The following PDE4D variants were observed in gnomAD, a reference collection of about 807,000 sequenced individuals.
PDE4D encodes phosphodiesterase 4D, also known as 3',5'-cyclic-AMP phosphodiesterase 4D.
A neutral mutation model predicts 87.4 loss-of-function variants in PDE4D; 24 were observed. The observed-to-expected ratio is 0.27, with a 90% CI of 0.20 to 0.39. PDE4D has a LOEUF of 0.39. Ranked by LOEUF, PDE4D falls within the 10% of genes least tolerant of loss-of-function variation. PDE4D has a pLI of 1.00. For synonymous variants in PDE4D, 384 were observed against 383.2 expected (o/e 1.00, Z -0.02); for missense variants, 714 against 1,041.0 (o/e 0.69, Z 4.32).
chr5:59,387,011 C>G (rs1448530026), intron 1 of PDE4D, among the ~76,000 whole-genome samples: 2 of 152,100 alleles, frequency 1.3e-5, no homozygotes, highest in African/African-American at 4.8e-5. Flanking sequence ...GTAAAAAAAT[C>G]TCATTTCCCA....
intron 1 of PDE4D, among the ~76,000 whole-genome samples, chr5:59,514,169 G>A (rs912911884): frequency 6.6e-6 from 1 of 150,590 alleles, no homozygotes; most frequent in Non-Finnish European, 1.5e-5. Flanking sequence ...GCAGTGGTGC[G>A]ATCTCGGCTC....
At chr5:60,146,290 G>A (rs896389816) in intron 2 of PDE4D, among the ~76,000 whole-genome samples, 20 of 152,310 alleles carry the variant, frequency 1.3e-4, no homozygotes, top group Admixed American at 2.0e-4. Context: ...CCTGGTAGTA[G>A]ATGTTCTATA....
intron 1 of PDE4D, among the ~76,000 whole-genome samples, chr5:59,293,277 C>T (rs748219211): frequency 5.9e-5 from 9 of 151,986 alleles, no homozygotes; most frequent in Non-Finnish European, 1.3e-4. Flanking sequence ...CTTTTAAATA[C>T]CTGGTGAGTG....
chr5:59,386,884 T>C (rs111746760), intron 1 of PDE4D, among the ~76,000 whole-genome samples: 2,337 of 152,256 alleles, frequency 0.015, 78 homozygotes, highest in African/African-American at 0.054. Flanking sequence ...AAAACCAGCA[T>C]GACTGTACCA....
intron 1 of PDE4D, among the ~76,000 whole-genome samples, chr5:60,371,549 T>C (rs1418258932): frequency 1.3e-5 from 2 of 152,200 alleles, no homozygotes; most frequent in Non-Finnish European, 2.9e-5. Context: ...TGAAATATAA[T>C]ATATGCACAG....
At chr5:59,583,844 T>C (rs1259845007) in intron 1 of PDE4D, among the ~76,000 whole-genome samples, 1 of 152,350 alleles carries the variant, frequency 6.6e-6, no homozygotes, top group East Asian at 1.9e-4. Flanking sequence ...TCATTCTTGC[T>C]TCTCAAAAAG....
chr5:59,149,620 G>A (rs978288956), intron 5 of PDE4D, among the ~76,000 whole-genome samples: 1 of 150,414 alleles, frequency 6.6e-6, no homozygotes, highest in African/African-American at 2.4e-5. Flanking sequence ...TAAGATTTTA[G>A]TGTTGGTTCC....
chr5:60,081,891 G>A (rs764843651), intron 2 of PDE4D, among the ~76,000 whole-genome samples: 1 of 152,096 alleles, frequency 6.6e-6, no homozygotes, highest in Admixed American at 6.6e-5. Context: ...AGTCTTCTCA[G>A]GTTCTTTTTT....
At chr5:59,529,942 C>T (rs1005192036) in intron 1 of PDE4D, among the ~76,000 whole-genome samples, 5 of 152,134 alleles carry the variant, frequency 3.3e-5, no homozygotes, top group East Asian at 1.9e-4. Flanking sequence ...AGGAGGGCCC[C>T]GGGTAAGGCC....
At chr5:58,982,432 G>A (rs1745410840) in intron 11 of PDE4D, among the ~76,000 whole-genome samples, 1 of 152,180 alleles carries the variant, frequency 6.6e-6, no homozygotes, top group Non-Finnish European at 1.5e-5. Context: ...GCCCAGTGCA[G>A]CTCTTCTTTG....
chr5:59,614,165 G>A (rs1455589131), intron 1 of PDE4D, among the ~76,000 whole-genome samples: 5 of 152,132 alleles, frequency 3.3e-5, no homozygotes, highest in Non-Finnish European at 7.3e-5. Context: ...TGCCCTGACT[G>A]GACTTGACCT....
chr5:59,747,069 T>C (rs992562088), intron 1 of PDE4D, among the ~76,000 whole-genome samples: 4 of 152,240 alleles, frequency 2.6e-5, no homozygotes, highest in African/African-American at 9.6e-5. Context: ...TCCCAGTTTC[T>C]GGATCTCCCT....
At chr5:59,640,029 T>A (rs1580079868) in intron 1 of PDE4D, among the ~76,000 whole-genome samples, 3 of 152,188 alleles carry the variant, frequency 2.0e-5, no homozygotes, top group African/African-American at 7.2e-5. Context: ...AATTTAAAAC[T>A]AGAGCAAATA....
intron 2 of PDE4D, among the ~76,000 whole-genome samples, chr5:60,050,297 A>C (rs1769960166): frequency 6.6e-6 from 1 of 152,120 alleles, no homozygotes. Flanking sequence ...CCAGTACCTC[A>C]GATGGAAATG....
chr5:59,955,195 G>C lies in PDE4D; in HGVS notation c.272+33293C>G, dbSNP rs141257677. 5.4e-3 allele frequency among the ~76,000 whole-genome samples: 815 copies of C among 152,266 alleles called. 13 individuals carry two copies. Among genetic ancestry groups the C allele is most frequent in the African/African-American group, 0.019 (770 of 41,544 alleles). ...AACCATGGTTGTGCCTCTGGAGAGG[G>C]ACTGGGAGTTTCATCTTAATACTTA... On this transcript the variant is annotated intron_variant, in intron 3 of 16. Transcript: ENST00000502484.
intron 1 of PDE4D, among the ~76,000 whole-genome samples, chr5:59,832,269 C>T (rs1176896987): frequency 6.6e-6 from 1 of 152,078 alleles, no homozygotes; most frequent in African/African-American, 2.4e-5. Flanking sequence ...GGATTACTTT[C>T]GTTTGATTCT....
At chr5:59,173,291 G>A (rs563325907) in intron 5 of PDE4D, among the ~76,000 whole-genome samples, 22 of 152,148 alleles carry the variant, frequency 1.4e-4, no homozygotes, top group Admixed American at 7.9e-4. Context: ...AAAAAGCCAC[G>A]GTGTCAGATC....
chr5:59,942,328 T>G (rs1406325373), intron 3 of PDE4D, among the ~76,000 whole-genome samples: 1 of 152,234 alleles, frequency 6.6e-6, no homozygotes, highest in Non-Finnish European at 1.5e-5. Flanking sequence ...CTGCCTTCAG[T>G]AGGCTCTTCC....
intron 1 of PDE4D, among the ~76,000 whole-genome samples, chr5:59,838,968 T>C (rs1742564124): frequency 6.6e-6 from 1 of 151,998 alleles, no homozygotes; most frequent in Admixed American, 6.6e-5. Flanking sequence ...GTGAATGTCA[T>C]CATAAAACTG....
Sources: gnomAD v4.1 joint callset for allele counts (sites outside exome capture counted in the v4.1 genomes callset) on GRCh38, gnomAD v4.1.1 for gene constraint, MANE v1.5 for transcripts, NCBI Gene and HGNC (gene_info 2026-07-23, HGNC 2026-07-21) for gene names.